HAL: variants seen among roughly 807,000 people sequenced by gnomAD.
HAL encodes the protein histidine ammonia-lyase, also known as histidase.
A neutral mutation model predicts 81.1 loss-of-function variants in HAL; 85 were observed. The observed-to-expected ratio is 1.05, with a 90% CI of 0.88 to 1.25. The LOEUF (loss-of-function observed/expected upper bound fraction) is 1.25. HAL is among the 50% of genes most tolerant of loss of function. HAL has a pLI of 0.00. For synonymous variants in HAL, 301 were observed against 309.2 expected, an observed-to-expected ratio of 0.97 and a Z score of 0.28; for missense variants, 798 against 836.6, an observed-to-expected ratio of 0.95 and a Z score of 0.57.
In HAL at chr12:95,995,999, G is replaced by C; in HGVS notation, c.-81-8C>G. On this transcript the variant is annotated splice_region_variant and splice_polypyrimidine_tract_variant and intron_variant, in intron 1 of 20. Coordinates refer to ENST00000261208, the MANE Select transcript of HAL (RefSeq NM_002108.4). ...CTACCGGGGTGTGGTCAGCTGGAAG[G>C]ATGAGAATAGACTTTCAAACCACTC... 7.5e-7 allele frequency: 1 copy of C among 1,329,152 alleles called. No individual in the cohort carries two copies. The highest frequency in any genetic ancestry group is 1.2e-5 in the South Asian group (1 of 82,292). 82.3% of individuals were successfully genotyped at this position (1,329,152 alleles called of 1,614,324 possible).
At position 95,990,408 on chromosome 12, in the gene HAL, C is replaced by T. The variant is rs779113747; in HGVS notation, c.840G>A (p.Trp280Ter). The T allele has an allele frequency of 7.4e-6, 12 of 1,613,566 alleles. No individual in the cohort carries two copies. The highest frequency in any genetic ancestry group is 1.0e-5 in the Non-Finnish European group (12 of 1,179,602). The change falls in exon 10 of 21, where the codon TGG becomes TGA. Residue 280 changes from tryptophan (W) to a stop codon, truncating the protein, a stop_gained. Coordinates refer to ENST00000261208, the MANE Select transcript of HAL (RefSeq NM_002108.4). LOFTEE classifies it high-confidence loss of function. Reference sequence around the variant, plus strand: ...CGAGTCTTACGTATTTAGCATCAGCCCAGCCACTCTTCGGAGACCACATCT... The same window carrying T: ...CGAGTCTTACGTATTTAGCATCAGCTCAGCCACTCTTCGGAGACCACATCT... ...EGKMWSPKSG[W>*]ADAKYVLEAH...
chr12:95,978,696 T>G (rs2080755432), intron 17 of HAL, among the ~76,000 whole-genome samples: 1 of 152,206 alleles, frequency 6.6e-6, no homozygotes, highest in Admixed American at 6.5e-5. Context: ...CGTGAAATTC[T>G]GCTGTTCTAA....
In HAL at chr12:95,980,656, C is replaced by A. The variant is rs1565986894; in HGVS notation, c.1419G>T (p.Arg473=). Residue 473 remains arginine (R), a synonymous_variant, in exon 17 of 21, where the codon CGG becomes CGT. Transcript: ENST00000261208. ...GCTCACTGAGGGAGGGATTGCAGAG[C>A]CGCTCGATTCTTCTCTCACTGATTG... The part of the protein sequence containing the change: ...LAAISERRIE[R]LCNPSLSELP... The A allele has an allele frequency of 6.2e-7, 1 of 1,613,994 alleles. No individual in the cohort carries two copies. The highest frequency in any genetic ancestry group is 8.5e-7 in the Non-Finnish European group (1 of 1,179,850).
At position 95,973,175 on chromosome 12, in the gene HAL, C is replaced by G. The variant is rs1369636432; in HGVS notation, c.*1057G>C. On this transcript the variant is annotated 3_prime_UTR_variant, in exon 21 of 21. Transcript: ENST00000261208. ...CCACGGTTTCAGACCACTTGAAGGGCCTTGCACATATATGCACACACTGGT... is the reference window on the plus strand; with the variant it reads ...CCACGGTTTCAGACCACTTGAAGGGGCTTGCACATATATGCACACACTGGT... 2.0e-5 allele frequency: 3 copies of G among 152,176 alleles called. No homozygotes were observed. Among genetic ancestry groups the G allele is most frequent in the African/African-American group, 4.8e-5 (2 of 41,436 alleles). 9.4% of individuals were successfully genotyped at this position (152,176 alleles called of 1,614,324 possible). A position where few individuals can be genotyped will look rare whatever the true frequency, so the allele number is the denominator to read the frequency against.
Position 95,974,368 on chromosome 12 carries a change from C to A in HAL, c.1838G>T (p.Trp613Leu). The A allele has an allele frequency of 6.2e-7, 1 of 1,613,580 alleles. No homozygotes were observed. The change falls in exon 21 of 21, where the codon TGG becomes TTG. Residue 613 changes from tryptophan (W) to leucine (L), a missense_variant. By Grantham distance (61) the Trp-to-Leu change is moderately conservative (BLOSUM62 -2). Transcript: ENST00000261208. Reference sequence around the variant, plus strand: ...TTCAATGTATGGAGCAGCTACTTCCCAAACCTGAAAAGCAAGGACAAAACA... The same window carrying A: ...TTCAATGTATGGAGCAGCTACTTCCAAAACCTGAAAAGCAAGGACAAAACA... ...AHRLLLEQKV[W>L]EVAAPYIEKY...
chr12:95,994,668 A>T, intron 4 of HAL, 130 bp downstream of exon 4: 6 of 932,828 alleles, frequency 6.4e-6, no homozygotes, highest in Non-Finnish European at 1.1e-5. Flanking sequence ...GGGACTACAG[A>T]CATGAGTCAC....
At chr12:95,994,328 G>C (rs1950007143) in intron 4 of HAL, among the ~76,000 whole-genome samples, 164 bp from the exon 5 acceptor site, 1 of 152,186 alleles carries the variant, frequency 6.6e-6, no homozygotes, top group Non-Finnish European at 1.5e-5. Context: ...GAGGCTTATT[G>C]GTGCAAAAGC....
rs900646249 is a variant in HAL, at chr12:95,992,748, T to C, written c.647A>G (p.Asn216Ser). 1.2e-6 allele frequency: 2 copies of C among 1,612,064 alleles called. No homozygotes were observed. Among genetic ancestry groups the C allele is most frequent in the Non-Finnish European group, 1.7e-6 (2 of 1,178,210 alleles). Residue 216 changes from asparagine to serine, a missense_variant, in exon 9 of 21, where the codon AAT becomes AGT. Physicochemically the swap from Asn to Ser is conservative, Grantham distance 46. Coordinates refer to ENST00000261208, the MANE Select transcript of HAL (RefSeq NM_002108.4). The part of the protein sequence containing the change: ...RCRMLLALRI[N>S]VLAKGYSGIS... Reference sequence around the variant, plus strand: ...GCCACTGTATCCTTTGGCTAAGACATTGATCCTTAAAGCCAAGAGCATCCG... The same window carrying C: ...GCCACTGTATCCTTTGGCTAAGACACTGATCCTTAAAGCCAAGAGCATCCG...
At chr12:95,988,355 A>G in intron 10 of HAL, 115 bp from the exon 11 acceptor site, 1 of 728,420 alleles carries the variant, frequency 1.4e-6, no homozygotes, top group Non-Finnish European at 2.5e-6. Flanking sequence ...CTTATAAGAA[A>G]TGAGACCTAC....
chr12:95,979,255 G>T (rs1375152841), intron 17 of HAL, among the ~76,000 whole-genome samples: 1 of 152,168 alleles, frequency 6.6e-6, no homozygotes, highest in Admixed American at 6.5e-5. Flanking sequence ...ACCTGTTAAA[G>T]GGGTATTTTA....
chr12:95,988,310 A>C, intron 10 of HAL, 70 bp from the exon 11 acceptor site: 1 of 826,922 alleles, frequency 1.2e-6, no homozygotes, highest in Non-Finnish European at 2.1e-6. Flanking sequence ...TATCATATGG[A>C]ATCCAATAAT....
In HAL at chr12:95,990,451, C is replaced by G. The variant is rs1949954963; in HGVS notation, c.797G>C (p.Gly266Ala). 3 of 1,612,942 alleles carry G rather than the reference C, an allele frequency of 1.9e-6. No homozygotes were observed. Among genetic ancestry groups the G allele is most frequent in the African/African-American group, 2.7e-5 (2 of 74,912 alleles). ...CCACATCTTCCCTTCTCCAACTAGC[C>G]CAAGAGCAAGATGAGAGAGTGGGGC... Reference protein sequence around the residue: ...DLAPLSHLALGLVGEGKMWSP... With the variant: ...DLAPLSHLALALVGEGKMWSP... The change falls in exon 10 of 21, where the codon GGG (glycine) becomes GCG (alanine). Residue 266 changes from glycine (G) to alanine (A), a missense_variant. Gly to Ala is a moderately conservative substitution (Grantham distance 60, BLOSUM62 0). Coordinates refer to ENST00000261208, the MANE Select transcript of HAL (RefSeq NM_002108.4).
chr12:95,990,366 G>A lies in HAL; in HGVS notation c.855+27C>T, dbSNP rs371251778. On this transcript the variant is annotated intron_variant, in intron 10 of 20. Transcript: ENST00000261208. ...TGGTGTCCAACCTGGGGCAATTGCT[G>A]CAGATAGAAGCTGCTACGAGTCTTA... 277 of 1,601,328 alleles carry A rather than the reference G, an allele frequency of 1.7e-4. No individual in the cohort carries two copies. The Admixed American group carries it at 2.2e-3, about 13-fold the overall frequency.
rs781190176 is a variant in HAL, at chr12:95,990,493, C to G, written c.755G>C (p.Gly252Ala). 7.4e-6 allele frequency: 12 copies of G among 1,613,310 alleles called. No individual in the cohort carries two copies. The Admixed American group carries it at 2.0e-4, about 27-fold the overall frequency. ...LPYVPEKGTVGASGDLAPLSH... is the reference protein window; with the variant it reads ...LPYVPEKGTVAASGDLAPLSH... ...GAGTGGGGCAAGGTCTCCACTGGCA[C>G]CAACGGTTCCTTTCTCTGGGACATA... The change falls in exon 10 of 21, where the codon GGT becomes GCT. Residue 252 changes from glycine to alanine, a missense_variant. Physicochemically the swap from Gly to Ala is moderately conservative, Grantham distance 60. Transcript: ENST00000261208.
intron 15 of HAL, among the ~76,000 whole-genome samples, chr12:95,981,066 A>G (rs1335048841): frequency 8.5e-5 from 13 of 152,216 alleles, no homozygotes; most frequent in African/African-American, 2.7e-4. Flanking sequence ...TGTACACCCA[A>G]TTTGGAGGCT....
In HAL at chr12:95,983,958, C is replaced by T. The variant is rs901775799; in HGVS notation, c.1240G>A (p.Val414Met). 1 of 1,590,482 alleles carries T rather than the reference C, an allele frequency of 6.3e-7. No individual in the cohort carries two copies. Among genetic ancestry groups the T allele is most frequent in the African/African-American group, 1.3e-5 (1 of 74,542 alleles). The change falls in exon 15 of 21, where the codon GTG becomes ATG. Residue 414 changes from valine to methionine, a missense_variant. Val to Met is a conservative substitution (Grantham distance 21). Transcript: ENST00000261208. Reference protein sequence around the residue: ...HGVVNDTIAFVKNIITTELNS... With the variant: ...HGVVNDTIAFMKNIITTELNS... ...AGTTCTGTGGTAATGATGTTCTTCA[C>T]AAATGCTATTGTATCATTCACCACA...
intron 10 of HAL, chr12:95,989,848 G>T (rs1443358899): frequency 5.8e-6 from 1 of 171,416 alleles, no homozygotes; most frequent in Non-Finnish European, 1.3e-5. Flanking sequence ...TTACTATCAG[G>T]GAAGCTCCCA....
rs1565995155 is a variant in HAL at position 95,994,820 on chromosome 12, C to T, written c.314G>A (p.Ser105Asn). ...PSQPEGVYLY[S>N]KYREPEKYIE... ...TACCTTTTCAGGCTCCCGGTACTTG[C>T]TGTATCTGTATCCAGGTAAAGGAAC... The change falls in exon 4 of 21, where the codon AGC becomes AAC. Residue 105 changes from serine (S) to asparagine (N), a missense_variant. By Grantham distance (46) the Ser-to-Asn change is conservative. Coordinates refer to ENST00000261208, the MANE Select transcript of HAL (RefSeq NM_002108.4). 5.0e-6 allele frequency: 8 copies of T among 1,614,042 alleles called. No individual in the cohort carries two copies. The highest frequency in any genetic ancestry group is 6.8e-6 in the Non-Finnish European group (8 of 1,179,932).
intron 17 of HAL, among the ~76,000 whole-genome samples, chr12:95,978,539 T>C (rs2136792298): frequency 6.6e-6 from 1 of 152,244 alleles, no homozygotes; most frequent in African/African-American, 2.4e-5. Context: ...CATAAATGGA[T>C]GTAAACAGGG....
Sources: allele counts gnomAD v4.1 joint callset (sites outside exome capture counted in the v4.1 genomes callset), GRCh38; gene constraint gnomAD v4.1.1; transcripts MANE v1.5; gene names NCBI Gene and HGNC (gene_info 2026-07-23, HGNC 2026-07-21).